Variants in TGFBR1 observed in about 807,000 individuals in gnomAD.
TGFBR1 encodes the protein transforming growth factor beta receptor 1, also known as TGF-beta receptor type-1.
TGFBR1 carries 20 observed loss-of-function variants against 55.1 expected under a neutral mutation model. That is an observed-to-expected ratio of 0.36 (90% CI 0.26 to 0.53). TGFBR1 has a LOEUF of 0.53. TGFBR1 is among the 20% of genes least tolerant of loss of function. The pLI, the probability that TGFBR1 is intolerant of heterozygous loss-of-function variation, is 0.91. For missense variants in TGFBR1, 385 were observed against 617.6 expected (o/e 0.62, Z 3.99); for synonymous variants, 220 against 214.8 (o/e 1.02, Z -0.21).
chr9:99,130,186 T>C (rs920659832), intron 2 of TGFBR1, among the ~76,000 whole-genome samples: 10 of 152,088 alleles, frequency 6.6e-5, no homozygotes, highest in African/African-American at 2.2e-4. Flanking sequence ...TGACTAGCCA[T>C]ATAAGAAAGG....
At chr9:99,108,233 C>T (rs139585195) in intron 1 of TGFBR1, among the ~76,000 whole-genome samples, 192 of 152,244 alleles carry the variant, frequency 1.3e-3, no homozygotes, top group African/African-American at 4.3e-3. Context: ...GTGTTGAAAG[C>T]AATTGGTTAT....
intron 1 of TGFBR1, among the ~76,000 whole-genome samples, chr9:99,125,765 T>G (rs1453737134): frequency 6.6e-6 from 1 of 152,222 alleles, no homozygotes; most frequent in African/African-American, 2.4e-5. Flanking sequence ...ATCCTTGTTT[T>G]TAGATTATCT....
chr9:99,134,397 A>G (rs1827354909), intron 3 of TGFBR1, among the ~76,000 whole-genome samples: 1 of 152,178 alleles, frequency 6.6e-6, no homozygotes, highest in Non-Finnish European at 1.5e-5. Context: ...ACTTAGATGA[A>G]GCAGTCTTAG....
rs201903995 is a variant in TGFBR1 at position 99,149,680 on chromosome 9, T to C, written c.*375T>C. On this transcript the variant is annotated 3_prime_UTR_variant, in exon 9 of 9. Transcript: ENST00000374994. Reference sequence around the variant, plus strand: ...CTGAATTACAATGAAACATGTCTTATTACTAAAGAAAGTGATTTACTCCTG... The same window carrying C: ...CTGAATTACAATGAAACATGTCTTACTACTAAAGAAAGTGATTTACTCCTG... 1 of 317,606 alleles carries C rather than the reference T, an allele frequency of 3.1e-6. No homozygotes were observed. Among genetic ancestry groups the C allele is most frequent in the Non-Finnish European group, 6.0e-6 (1 of 167,408 alleles). The allele number at this position is 317,606 out of a possible 1,614,324, so 19.7% of individuals were successfully genotyped here.
intron 4 of TGFBR1, among the ~76,000 whole-genome samples, chr9:99,138,629 A>C (rs1221579197): frequency 6.6e-6 from 1 of 152,202 alleles, no homozygotes; most frequent in Non-Finnish European, 1.5e-5. Flanking sequence ...CTGTACGGAC[A>C]CTTTTCTGCC....
Position 99,149,855 on chromosome 9 carries a change from A to C in TGFBR1, c.*550A>C. ...AAATGACCTCATATAGTAGTGAGGA[A>C]CATAATTCATGCAATTGTATTTTGT... is the stretch of plus-strand genomic sequence containing the variant. On this transcript the variant is annotated 3_prime_UTR_variant, in exon 9 of 9. Coordinates refer to ENST00000374994, the MANE Select transcript of TGFBR1 (RefSeq NM_004612.4). 4.6e-6 allele frequency: 1 copy of C among 217,284 alleles called. No homozygotes were observed. Among genetic ancestry groups the C allele is most frequent in the East Asian group, 7.0e-5 (1 of 14,216 alleles). 13.5% of individuals were successfully genotyped at this position (217,284 alleles called of 1,614,324 possible).
At position 99,134,802 on chromosome 9, in the gene TGFBR1, T is replaced by TTATATA. The variant is rs10625219; in HGVS notation, c.574+2109_574+2114dup. 7.6e-3 allele frequency among the ~76,000 whole-genome samples: 314 copies of TTATATA among 41,178 alleles called. 3 individuals are homozygous for TTATATA. Among genetic ancestry groups the TTATATA allele is most frequent in the Non-Finnish European group, 9.5e-3 (225 of 23,580 alleles). 27.0% of individuals were successfully genotyped at this position (41,178 alleles called of 152,430 possible). A position where few individuals can be genotyped will look rare whatever the true frequency, so the allele number is the denominator to read the frequency against. Reference sequence around the variant, plus strand: ...AAACAATGGAATAATTCTGTTTCCATTATATATATATATATATATATATAT... The same window carrying TTATATA: ...AAACAATGGAATAATTCTGTTTCCATTATATATATATATATATATATATATATATAT... On this transcript the variant is annotated intron_variant, in intron 3 of 8. Transcript: ENST00000374994.
intron 3 of TGFBR1, 95 bp downstream of exon 3, chr9:99,132,834 G>A (rs1827287266): frequency 3.4e-6 from 5 of 1,485,816 alleles, no homozygotes; most frequent in Non-Finnish European, 3.7e-6. Flanking sequence ...TTGCTAGAAT[G>A]TGAGATAGTA....
At chr9:99,112,135 G>T (rs746327126) in intron 1 of TGFBR1, among the ~76,000 whole-genome samples, 1 of 152,218 alleles carries the variant, frequency 6.6e-6, no homozygotes, top group African/African-American at 2.4e-5. Flanking sequence ...TGGTTTTAAT[G>T]TGGAAAAAGA....
At chr9:99,148,829 C>T (rs1027384989) in intron 8 of TGFBR1, among the ~76,000 whole-genome samples, 6 of 141,240 alleles carry the variant, frequency 4.2e-5, no homozygotes, top group African/African-American at 1.6e-4. Context: ...GAGACCCTGT[C>T]TCAAAAAAAA....
chr9:99,116,372 T>G (rs1826739631), intron 1 of TGFBR1, among the ~76,000 whole-genome samples: 2 of 152,194 alleles, frequency 1.3e-5, no homozygotes, highest in Non-Finnish European at 2.9e-5. Flanking sequence ...AGCTGTGCAT[T>G]GCAAACAGAT....
chr9:99,152,241 T>A lies in TGFBR1; in HGVS notation c.*2936T>A, dbSNP rs202035846. The A allele has an allele frequency of 4.7e-6, 1 of 213,996 alleles. No homozygotes were observed. The highest frequency in any genetic ancestry group is 9.5e-6 in the Non-Finnish European group (1 of 105,720). The allele number at this position is 213,996 out of a possible 1,614,324, so 13.3% of individuals were successfully genotyped here. On this transcript the variant is annotated 3_prime_UTR_variant, in exon 9 of 9. Transcript: ENST00000374994. ...GGGAGGGGTCTCCAAGTTTGGAGAT[T>A]GAGCAGATGAGGCTTGGGATGCCCC...
chr9:99,146,426 C>T, intron 6 of TGFBR1, 59 bp from the exon 7 acceptor site: 1 of 1,602,846 alleles, frequency 6.2e-7, no homozygotes, highest in Non-Finnish European at 8.5e-7. Context: ...AAAGGAGGTT[C>T]ATCCAAATAT....
intron 1 of TGFBR1, among the ~76,000 whole-genome samples, chr9:99,105,699 T>C (rs992655415): frequency 1.5e-4 from 23 of 152,068 alleles, no homozygotes; most frequent in African/African-American, 5.3e-4. Flanking sequence ...CGCCGCCCCC[T>C]GGGCACGGCG....
In TGFBR1 at chr9:99,127,109, T is replaced by C. The variant is rs555055925; in HGVS notation, c.98-1746T>C. On this transcript the variant is annotated intron_variant, in intron 1 of 8. Coordinates refer to ENST00000374994, the MANE Select transcript of TGFBR1 (RefSeq NM_004612.4). ...CTGTTACAGTCATGGTTATAGTGTA[T>C]TACAGCAAAACCATACAGTTAACAT... Among the ~76,000 whole-genome samples, 3 of 152,228 alleles carry C rather than the reference T, an allele frequency of 2.0e-5. No homozygotes were observed. In the South Asian group the frequency reaches 6.2e-4, roughly 32 times the overall value.
rs181108272 is a variant in TGFBR1, at chr9:99,134,611, A to C, written c.574+1872A>C. 8.6e-5 allele frequency among the ~76,000 whole-genome samples: 13 copies of C among 151,852 alleles called. No homozygotes were observed. In the East Asian group the frequency reaches 2.5e-3, roughly 29 times the overall value. ...ACAGATATTTGGAATTAATCCCTCAAACCTGTTCTCTTGTTTCTAAACTTA... is the reference window on the plus strand; with the variant it reads ...ACAGATATTTGGAATTAATCCCTCACACCTGTTCTCTTGTTTCTAAACTTA... On this transcript the variant is annotated intron_variant, in intron 3 of 8. Coordinates refer to ENST00000374994, the MANE Select transcript of TGFBR1 (RefSeq NM_004612.4).
At chr9:99,118,862 C>G (rs1037778853) in intron 1 of TGFBR1, among the ~76,000 whole-genome samples, 1 of 152,068 alleles carries the variant, frequency 6.6e-6, no homozygotes, top group Non-Finnish European at 1.5e-5. Flanking sequence ...TATCCTCTAC[C>G]TAAAATGACT....
intron 2 of TGFBR1, among the ~76,000 whole-genome samples, chr9:99,129,462 CT>C (rs1260857332): frequency 6.6e-6 from 1 of 152,230 alleles, no homozygotes; most frequent in African/African-American, 2.4e-5. Context: ...CAATCACAGT[CT>C]TTTAATGAGT....
In TGFBR1 at chr9:99,149,536, G is replaced by C; in HGVS notation, c.*231G>C. ...GCTTCTTTCCCAGGACAGAAAATGT[G>C]TAGTCTACCTTTATTTTTTATTAAC... On this transcript the variant is annotated 3_prime_UTR_variant, in exon 9 of 9. Transcript: ENST00000374994. The C allele has an allele frequency of 2.0e-6, 1 of 509,960 alleles. No individual in the cohort carries two copies. The highest frequency in any genetic ancestry group is 2.3e-5 in the South Asian group (1 of 43,904). 31.6% of individuals were successfully genotyped at this position (509,960 alleles called of 1,614,324 possible). A position where few individuals can be genotyped will look rare whatever the true frequency, so the allele number is the denominator to read the frequency against.
Sources: allele counts gnomAD v4.1 joint callset (sites outside exome capture counted in the v4.1 genomes callset), GRCh38; gene constraint gnomAD v4.1.1; transcripts MANE v1.5; gene names NCBI Gene and HGNC (gene_info 2026-07-23, HGNC 2026-07-21).